The following ASIC2 variants were observed in gnomAD, a reference collection of about 807,000 sequenced individuals.
ASIC2 encodes the protein acid-sensing ion channel 2.
In ASIC2, 25 loss-of-function variants were observed where a neutral mutation model predicts 57.3. That is an observed-to-expected ratio of 0.44 (90% confidence interval 0.32 to 0.61). The LOEUF is 0.61. Ranked by LOEUF, ASIC2 falls within the 20% of genes least tolerant of loss-of-function variation. The pLI is 0.06. For synonymous variants in ASIC2, 319 were observed against 307.5 expected (o/e 1.04, Z -0.39); for missense variants, 641 against 738.1 (o/e 0.87, Z 1.52).
chr17:33,200,465 A>C (rs1182148622), intron 1 of ASIC2, among the ~76,000 whole-genome samples: 2 of 152,188 alleles, frequency 1.3e-5, no homozygotes, highest in Non-Finnish European at 2.9e-5. Context: ...GCCTGTCCAA[A>C]ACTGAGATCC....
At chr17:34,153,261 TACTTA>T (rs1390153180) in intron 1 of ASIC2, among the ~76,000 whole-genome samples, 8 of 152,194 alleles carry the variant, frequency 5.3e-5, no homozygotes, top group Admixed American at 2.0e-4. Flanking sequence ...CCTTCCCCCA[TACTTA>T]ACTTCTCTAA....
chr17:34,151,524 C>T (rs545652886), intron 1 of ASIC2, among the ~76,000 whole-genome samples: 2 of 152,270 alleles, frequency 1.3e-5, no homozygotes, highest in Admixed American at 1.3e-4. Context: ...GACAAGTGAG[C>T]TTCCTAGAGT....
intron 1 of ASIC2, among the ~76,000 whole-genome samples, chr17:33,800,794 C>T (rs943021239): frequency 2.6e-5 from 4 of 152,156 alleles, no homozygotes; most frequent in African/African-American, 9.7e-5. Context: ...GTTTTCCATG[C>T]AGTCAATTTT....
chr17:34,046,621 A>G (rs1412336121), intron 1 of ASIC2, among the ~76,000 whole-genome samples: 1 of 152,158 alleles, frequency 6.6e-6, no homozygotes, highest in Non-Finnish European at 1.5e-5. Flanking sequence ...CTCCTCCCAC[A>G]CCAGTACCTA....
At chr17:33,729,164 G>A (rs1011785112) in intron 1 of ASIC2, among the ~76,000 whole-genome samples, 1 of 152,194 alleles carries the variant, frequency 6.6e-6, no homozygotes, top group Non-Finnish European at 1.5e-5. Flanking sequence ...TGGTGCCAGC[G>A]TCTGCTTCTA....
At chr17:33,907,141 G>A (rs1915367101) in intron 1 of ASIC2, among the ~76,000 whole-genome samples, 3 of 152,182 alleles carry the variant, frequency 2.0e-5, no homozygotes, top group East Asian at 3.9e-4. Context: ...AGGCATCAGG[G>A]CAGTGGGAAT....
chr17:34,049,438 T>C (rs534960000), intron 1 of ASIC2, among the ~76,000 whole-genome samples: 1 of 152,278 alleles, frequency 6.6e-6, no homozygotes, highest in East Asian at 1.9e-4. Context: ...AGGAACAGGC[T>C]GCATTCCCTG....
At chr17:33,773,553 G>T (rs1322897488) in intron 1 of ASIC2, among the ~76,000 whole-genome samples, 5 of 151,948 alleles carry the variant, frequency 3.3e-5, no homozygotes, top group Admixed American at 3.3e-4. Context: ...TCTCTCTGTG[G>T]AATTGTACCA....
At chr17:34,011,782 C>T (rs954802971) in intron 1 of ASIC2, among the ~76,000 whole-genome samples, 9 of 152,124 alleles carry the variant, frequency 5.9e-5, no homozygotes, top group South Asian at 2.1e-4. Context: ...CCCCATGGCT[C>T]GCTCCCTTCT....
At chr17:33,644,611 A>G (rs1294543471) in intron 1 of ASIC2, among the ~76,000 whole-genome samples, 1 of 152,256 alleles carries the variant, frequency 6.6e-6, no homozygotes, top group African/African-American at 2.4e-5. Context: ...TCAAAAATGC[A>G]TCCGATTATC....
intron 1 of ASIC2, among the ~76,000 whole-genome samples, chr17:33,398,616 G>C (rs1478838108): frequency 2.0e-5 from 3 of 152,032 alleles, no homozygotes; most frequent in African/African-American, 7.2e-5. Context: ...GGTGATTATG[G>C]TGATGATGGT....
At chr17:33,718,311 G>A (rs1461697372) in intron 1 of ASIC2, among the ~76,000 whole-genome samples, 2 of 152,132 alleles carry the variant, frequency 1.3e-5, no homozygotes, top group Non-Finnish European at 2.9e-5. Flanking sequence ...ATATTAAGAT[G>A]AGCTAGTTGA....
chr17:33,594,576 C>T (rs1904922054), intron 1 of ASIC2, among the ~76,000 whole-genome samples: 1 of 152,144 alleles, frequency 6.6e-6, no homozygotes, highest in African/African-American at 2.4e-5. Context: ...CACCTGTAAT[C>T]CCAGCACTGT....
intron 3 of ASIC2, among the ~76,000 whole-genome samples, chr17:33,062,543 C>A (rs2092025256): frequency 6.6e-6 from 1 of 152,140 alleles, no homozygotes; most frequent in Non-Finnish European, 1.5e-5. Flanking sequence ...GTTATAATTT[C>A]TGTTCTTTTA....
chr17:33,464,496 C>CT (rs1567620932), intron 1 of ASIC2, among the ~76,000 whole-genome samples: 2 of 38,426 alleles, frequency 5.2e-5, no homozygotes, highest in Admixed American at 2.1e-4. Context: ...TTCTTTCTTT[C>CT]TTTCTTTCTT....
At chr17:34,015,309 T>A (rs1271204964) in intron 1 of ASIC2, among the ~76,000 whole-genome samples, 1 of 152,190 alleles carries the variant, frequency 6.6e-6, no homozygotes, top group Non-Finnish European at 1.5e-5. Flanking sequence ...TTAAACCTCA[T>A]CACAGTCCAG....
At chr17:33,492,177 G>A (rs1913783085) in intron 1 of ASIC2, among the ~76,000 whole-genome samples, 1 of 152,210 alleles carries the variant, frequency 6.6e-6, no homozygotes, top group Non-Finnish European at 1.5e-5. Flanking sequence ...TATGCAGCAG[G>A]TTCTAAGTGT....
intron 1 of ASIC2, among the ~76,000 whole-genome samples, chr17:33,653,716 A>G (rs921490170): frequency 6.6e-6 from 1 of 152,204 alleles, no homozygotes; most frequent in African/African-American, 2.4e-5. Flanking sequence ...TTAATTAGGA[A>G]GTATTTGCTT....
At chr17:34,126,910 C>T (rs1211840959) in intron 1 of ASIC2, among the ~76,000 whole-genome samples, 1 of 152,130 alleles carries the variant, frequency 6.6e-6, no homozygotes, top group Non-Finnish European at 1.5e-5. Context: ...AGCCCGGGCA[C>T]GTCCCTGGAA....
Sources: allele counts gnomAD v4.1 joint callset (sites outside exome capture counted in the v4.1 genomes callset), GRCh38; gene constraint gnomAD v4.1.1; transcripts MANE v1.5; gene names NCBI Gene and HGNC (gene_info 2026-07-23, HGNC 2026-07-21).